PSG2: variants seen among roughly 807,000 people sequenced by gnomAD.
The protein encoded by PSG2 is pregnancy specific beta-1-glycoprotein 2.
A neutral mutation model predicts 36.2 loss-of-function variants in PSG2; 49 were observed. The ratio of observed to expected loss-of-function variants is 1.35; its 90% CI spans 1.08 to 1.72. The LOEUF (loss-of-function observed/expected upper bound fraction) is 1.72. Among genes scored for constraint, PSG2 ranks in the 40% most tolerant of loss-of-function variants. The pLI is 0.00. For synonymous variants in PSG2, 261 were observed against 155.6 expected (o/e 1.68, Z -5.04); for missense variants, 605 against 407.2 (o/e 1.49, Z -4.18).
At chr19:43,075,258 T>C in intron 3 of PSG2, 96 bp downstream of exon 3, 1 of 1,609,654 alleles carries the variant, frequency 6.2e-7, no homozygotes, top group Admixed American at 1.7e-5. Flanking sequence ...GGTAAAGGTC[T>C]CTGTACTTGG....
chr19:43,082,325 A>G, intron 1 of PSG2, 181 bp downstream of exon 1: 1 of 919,120 alleles, frequency 1.1e-6, no homozygotes, highest in Non-Finnish European at 1.6e-6. Flanking sequence ...TATTTTTAGT[A>G]GAGACAGGGC....
At chr19:43,080,001 G>C (rs1298406070) in intron 2 of PSG2, among the ~76,000 whole-genome samples, 2 of 151,716 alleles carry the variant, frequency 1.3e-5, no homozygotes, top group African/African-American at 2.4e-5. Flanking sequence ...ATGGACTGTG[G>C]CTTTTCATGC....
chr19:43,075,708 G>T, intron 2 of PSG2, 76 bp from the exon 3 acceptor site: 1 of 1,549,820 alleles, frequency 6.5e-7, no homozygotes, highest in South Asian at 1.3e-5. Flanking sequence ...AATCAGAGTT[G>T]GCATTTCCCA....
chr19:43,072,009 C>G (rs1468737251), intron 3 of PSG2, 55 bp from the exon 4 acceptor site: 14 of 1,588,696 alleles, frequency 8.8e-6, no homozygotes, highest in Non-Finnish European at 1.1e-5. Context: ...AGGGGATGCT[C>G]CTGGTCTCTT....
At chr19:43,073,865 C>T (rs1449110841) in intron 3 of PSG2, among the ~76,000 whole-genome samples, 1 of 151,732 alleles carries the variant, frequency 6.6e-6, no homozygotes, top group Non-Finnish European at 1.5e-5. Flanking sequence ...TTGTCATATA[C>T]TTACTGGTTT....
chr19:43,073,900 A>G (rs1967854405), intron 3 of PSG2, among the ~76,000 whole-genome samples: 2 of 151,720 alleles, frequency 1.3e-5, no homozygotes, highest in South Asian at 4.1e-4. Context: ...GAAAGATTCA[A>G]AATCTAAAAT....
chr19:43,074,106 T>G (rs1446603236), intron 3 of PSG2, among the ~76,000 whole-genome samples: 3 of 151,760 alleles, frequency 2.0e-5, no homozygotes, highest in Non-Finnish European at 2.9e-5. Context: ...TGATTGCTAT[T>G]TTCTGTGTCA....
At chr19:43,082,347 G>T in intron 1 of PSG2, 159 bp downstream of exon 1, 2 of 1,165,898 alleles carry the variant, frequency 1.7e-6, no homozygotes, top group Non-Finnish European at 2.5e-6. Flanking sequence ...ACACTGTGTT[G>T]GCCAGACTGA....
chr19:43,076,738 G>T (rs1163358064), intron 2 of PSG2, among the ~76,000 whole-genome samples: 1 of 151,680 alleles, frequency 6.6e-6, no homozygotes, highest in Non-Finnish European at 1.5e-5. Context: ...AGGTTCTAGA[G>T]ATCTCCTGTA....
Position 43,075,073 on chromosome 19 carries a change from C to G in PSG2, c.709+281G>C, listed in dbSNP as rs760137645. On this transcript the variant is annotated intron_variant, in intron 3 of 5. Transcript: ENST00000406487. ...CGCAACACTGAACTCCCAGCCAAATCCCCGCTGTGTTCACTGATCTGGAGC... is the reference window on the plus strand; with the variant it reads ...CGCAACACTGAACTCCCAGCCAAATGCCCGCTGTGTTCACTGATCTGGAGC... Among the ~76,000 whole-genome samples the G allele has an allele frequency of 2.7e-4, 41 of 151,790 alleles. 1 individual carries two copies. The highest frequency in any genetic ancestry group is 5.9e-5 in the Non-Finnish European group (4 of 67,988).
chr19:43,075,619 C>T lies in PSG2; in HGVS notation c.444G>A (p.Lys148=), dbSNP rs1967884486. ...FTFTLYLETP[K]PSISSSNLNP... is the part of the protein sequence containing the mutation. Reference sequence around the variant, plus strand: ...TTAAGTTGCTGCTGGAGATGGAGGGCTTGGGAGTCTCCACTGTGCAGAAAA... The same window carrying T: ...TTAAGTTGCTGCTGGAGATGGAGGGTTTGGGAGTCTCCACTGTGCAGAAAA... The change falls in exon 3 of 6, where the codon AAG becomes AAA. Residue 148 remains lysine (K), a synonymous_variant. Transcript: ENST00000406487. 2 of 1,612,502 alleles carry T rather than the reference C, an allele frequency of 1.2e-6. No individual in the cohort carries two copies. The highest frequency in any genetic ancestry group is 1.3e-5 in the African/African-American group (1 of 74,312).
intron 3 of PSG2, among the ~76,000 whole-genome samples, chr19:43,072,193 T>G (rs903200131): frequency 6.6e-6 from 1 of 151,688 alleles, no homozygotes; most frequent in Non-Finnish European, 1.5e-5. Flanking sequence ...TGGTTAAGGC[T>G]GTGCCTACCC....
In PSG2 at chr19:43,078,278, G is replaced by A. The variant is rs1458275914; in HGVS notation, c.430+2603C>T. The stretch of plus-strand genomic sequence containing the variant: ...AACACCCTTACTTTGCCCAGGGACG[G>A]CCTTTGTCAAACTAGTGAAAGACCA... On this transcript the variant is annotated intron_variant, in intron 2 of 5. Transcript: ENST00000406487. 4.0e-5 allele frequency among the ~76,000 whole-genome samples: 6 copies of A among 151,626 alleles called. 1 individual carries two copies. In the East Asian group the frequency reaches 1.2e-3, roughly 29 times the overall value.
At chr19:43,076,211 C>T (rs1967893737) in intron 2 of PSG2, among the ~76,000 whole-genome samples, 1 of 151,594 alleles carries the variant, frequency 6.6e-6, no homozygotes, top group Non-Finnish European at 1.5e-5. Context: ...AGTGGAGCCA[C>T]AAGGTGGGGC....
chr19:43,074,021 AT>A (rs1967855668), intron 3 of PSG2, among the ~76,000 whole-genome samples: 1 of 151,402 alleles, frequency 6.6e-6, no homozygotes, highest in Non-Finnish European at 1.5e-5. Context: ...TGGCTTGGTG[AT>A]TAGTTTTCGG....
chr19:43,079,735 C>T (rs1046309771), intron 2 of PSG2, among the ~76,000 whole-genome samples: 3 of 151,680 alleles, frequency 2.0e-5, no homozygotes, highest in South Asian at 2.1e-4. Context: ...TTCTGGAGTA[C>T]AGATTAATCA....
In PSG2 at chr19:43,075,463, C is replaced by T. The variant is rs752109973; in HGVS notation, c.600G>A (p.Arg200=). 1 of 1,613,156 alleles carries T rather than the reference C, an allele frequency of 6.2e-7. No homozygotes were observed. The highest frequency in any genetic ancestry group is 8.5e-7 in the Non-Finnish European group (1 of 1,179,670). The change falls in exon 3 of 6, where the codon AGG becomes AGA. Residue 200 remains arginine (R), a synonymous_variant. Transcript: ENST00000406487. ...TTGTGACACCAAATAGAAAGAGGGT[C>T]CTGTTGGTTTCGGACAGCTGAAACC... is the stretch of plus-strand genomic sequence containing the variant. ...THRFQLSETN[R]TLFLFGVTKY...
At chr19:43,075,228 G>A (rs1357836821) in intron 3 of PSG2, 126 bp downstream of exon 3, 8 of 1,590,444 alleles carry the variant, frequency 5.0e-6, no homozygotes, top group African/African-American at 1.4e-5. Flanking sequence ...AGAAAGTCAT[G>A]GCCAGCTTTG....
rs774832115 is a variant in PSG2, at chr19:43,081,257, G to A, written c.65-11C>T. The A allele has an allele frequency of 1.2e-5, 20 of 1,609,476 alleles. No homozygotes were observed. Among genetic ancestry groups the A allele is most frequent in the Non-Finnish European group, 1.7e-5 (20 of 1,178,018 alleles). ...AGTTTAAAAGTGATGCTAGGAGGTG[G>A]AGAGAGCATCAGACAATATTGAGAC... On this transcript the variant is annotated splice_polypyrimidine_tract_variant and intron_variant, in intron 1 of 5. Coordinates refer to ENST00000406487, the MANE Select transcript of PSG2 (RefSeq NM_031246.4).
Sources: allele counts gnomAD v4.1 joint callset (sites outside exome capture counted in the v4.1 genomes callset), GRCh38; gene constraint gnomAD v4.1.1; transcripts MANE v1.5; gene names NCBI Gene and HGNC (gene_info 2026-07-23, HGNC 2026-07-21).